IGFBP5: variants seen among roughly 807,000 people sequenced by gnomAD.
The protein encoded by IGFBP5 is insulin like growth factor binding protein 5, also known as insulin-like growth factor-binding protein 5.
A neutral mutation model predicts 28.0 loss-of-function variants in IGFBP5; 12 were observed. That is an observed-to-expected ratio of 0.43 (90% confidence interval 0.27 to 0.69). IGFBP5 has a LOEUF of 0.69. Among genes scored for constraint, IGFBP5 ranks in the 30% least tolerant of loss-of-function variants. IGFBP5 has a pLI of 0.20. For synonymous variants in IGFBP5, 152 were observed against 150.2 expected, an observed-to-expected ratio of 1.01 and a Z score of -0.09; for missense variants, 344 against 381.6, an observed-to-expected ratio of 0.90 and a Z score of 0.82.
intron 1 of IGFBP5, among the ~76,000 whole-genome samples, chr2:216,686,201 C>A (rs933196391): frequency 6.6e-6 from 1 of 152,158 alleles, no homozygotes; most frequent in African/African-American, 2.4e-5. Context: ...AAACCAACAG[C>A]AAAGCTGGCC....
Position 216,676,774 on chromosome 2 carries a change from A to C in IGFBP5, c.796T>G (p.Phe266Val), listed in dbSNP as rs1174865618. Residue 266 changes from phenylalanine to valine, a missense_variant, in exon 4 of 4, where the codon TTC becomes GTC. Physicochemically the swap from Phe to Val is conservative, Grantham distance 50 (BLOSUM62 -1). Around this residue, in one of 3 missense-constraint regions of IGFBP5, gnomAD observed 36 missense variants for 34.1 expected, o/e 1.06. Transcript: ENST00000233813. ...CATCACTCAACGTTGCTGCTGTCGA[A>C]GGTGTGGCACTGAAAGTCCCCGTCA... ...YVDGDFQCHT[F>V]DSSNVE 6.2e-7 allele frequency: 1 copy of C among 1,613,650 alleles called. No homozygotes were observed. The highest frequency in any genetic ancestry group is 1.3e-5 in the African/African-American group (1 of 74,858).
intron 1 of IGFBP5, among the ~76,000 whole-genome samples, chr2:216,682,255 C>T (rs1164800697): frequency 1.3e-5 from 2 of 152,158 alleles, no homozygotes; most frequent in Non-Finnish European, 2.9e-5. Context: ...AGATACTAAT[C>T]AGGGTCTTGT....
At position 216,694,667 on chromosome 2, in the gene IGFBP5, T is replaced by C. The variant is rs1385735274; in HGVS notation, c.109A>G (p.Met37Val). 5.2e-6 allele frequency: 8 copies of C among 1,525,374 alleles called. No homozygotes were observed. Among genetic ancestry groups the C allele is most frequent in the Middle Eastern group, 1.7e-4 (1 of 5,772 alleles). 94.5% of individuals were successfully genotyped at this position (1,525,374 alleles called of 1,614,324 possible). A position where few individuals can be genotyped will look rare whatever the true frequency, so the allele number is the denominator to read the frequency against. Reference sequence around the variant, plus strand: ...CAGCCCAGGGGGCTGGGGGGGCACATGGAGAGGGCTTTCTCGTCGCAGGGC... The same window carrying C: ...CAGCCCAGGGGGCTGGGGGGGCACACGGAGAGGGCTTTCTCGTCGCAGGGC... ...CEPCDEKALSMCPPSPLGCEL... is the reference protein window; with the variant it reads ...CEPCDEKALSVCPPSPLGCEL... Residue 37 changes from methionine to valine, a missense_variant, in exon 1 of 4, where the codon ATG becomes GTG. Met to Val is a conservative substitution (Grantham distance 21). Around this residue, in one of 3 missense-constraint regions of IGFBP5, gnomAD observed 304 missense variants for 329.2 expected, o/e 0.92. Coordinates refer to ENST00000233813, the MANE Select transcript of IGFBP5 (RefSeq NM_000599.4). This position sits in a 1 kb window ranked among gnomAD's most constrained non-coding sequence, Gnocchi z 5.2.
Position 216,675,581 on chromosome 2 carries a change from C to G in IGFBP5, c.*1170G>C, listed in dbSNP as rs1357685517. On this transcript the variant is annotated 3_prime_UTR_variant, in exon 4 of 4. Coordinates refer to ENST00000233813, the MANE Select transcript of IGFBP5 (RefSeq NM_000599.4). ...ACAAAAAAGCTGAGTTTATTGCTCA[C>G]GGGAAACTCTGCCTCGAGGCAGGCA... 1 of 152,050 alleles carries G rather than the reference C, an allele frequency of 6.6e-6. No homozygotes were observed. The highest frequency in any genetic ancestry group is 1.5e-5 in the Non-Finnish European group (1 of 68,012). The allele number at this position is 152,050 out of a possible 1,614,324, so 9.4% of individuals were successfully genotyped here. A position where few individuals can be genotyped will look rare whatever the true frequency, so the allele number is the denominator to read the frequency against.
chr2:216,694,464 C>G lies in IGFBP5; in HGVS notation c.312G>C (p.Lys104Asn), dbSNP rs1476354851. The change falls in exon 1 of 4, where the codon AAG becomes AAC. Residue 104 changes from lysine to asparagine, a missense_variant. By Grantham distance (94) the Lys-to-Asn change is moderately conservative. Coordinates refer to ENST00000233813, the MANE Select transcript of IGFBP5 (RefSeq NM_000599.4). This position sits in a 1 kb window ranked among gnomAD's most constrained non-coding sequence, Gnocchi z 5.2. ...LHGRGVCLNE[K>N]SYREQVKIER... ...CGATCTTGACTTGCTCGCGGTAGCT[C>G]TTTTCGTTGAGGCAAACCCCGCGGC... 3 of 1,581,284 alleles carry G rather than the reference C, an allele frequency of 1.9e-6. No individual in the cohort carries two copies. Among genetic ancestry groups the G allele is most frequent in the South Asian group, 2.3e-5 (2 of 86,276 alleles).
intron 1 of IGFBP5, among the ~76,000 whole-genome samples, chr2:216,691,101 C>T (rs11575134): frequency 0.17 from 26,463 of 152,100 alleles, 2,482 homozygotes; most frequent in Non-Finnish European, 0.22. Context: ...GGCCAATAAA[C>T]CTAACTCTGG....
In IGFBP5 at chr2:216,674,528, T is replaced by C. The variant is rs980858771; in HGVS notation, c.*2223A>G. 5.3e-5 allele frequency: 8 copies of C among 152,252 alleles called. No homozygotes were observed. The highest frequency in any genetic ancestry group is 1.9e-4 in the African/African-American group (8 of 41,448). The allele number at this position is 152,252 out of a possible 1,614,324, so 9.4% of individuals were successfully genotyped here. A position where few individuals can be genotyped will look rare whatever the true frequency, so the allele number is the denominator to read the frequency against. ...ATTCCTCTTCGTAGCCCCAAATTCG[T>C]TGTTGGAGGCGGTCTCCGCTGTGTC... is the stretch of plus-strand genomic sequence containing the variant. On this transcript the variant is annotated 3_prime_UTR_variant, in exon 4 of 4. Transcript: ENST00000233813. This position sits in a 1 kb window ranked among gnomAD's most constrained non-coding sequence, Gnocchi z 4.4.
Position 216,676,896 on chromosome 2 carries a change from A to G in IGFBP5, c.688-14T>C. 3 of 1,613,328 alleles carry G rather than the reference A, an allele frequency of 1.9e-6. No homozygotes were observed. The highest frequency in any genetic ancestry group is 2.5e-6 in the Non-Finnish European group (3 of 1,179,620). ...GGAAGGTTTGCACTGGGGTGAGTAG[A>G]GCAACAGGCGGTGAGGACGGCCGCA... On this transcript the variant is annotated splice_polypyrimidine_tract_variant and intron_variant, in intron 3 of 3. Transcript: ENST00000233813.
In IGFBP5 at chr2:216,673,719, C is replaced by T. The variant is rs1688862876; in HGVS notation, c.*3032G>A. Reference sequence around the variant, plus strand: ...ACCCCTGCTTAGATTGCCATACTCGCACCATTCCAAACCTGCCTCCCTCAC... The same window carrying T: ...ACCCCTGCTTAGATTGCCATACTCGTACCATTCCAAACCTGCCTCCCTCAC... On this transcript the variant is annotated 3_prime_UTR_variant, in exon 4 of 4. Coordinates refer to ENST00000233813, the MANE Select transcript of IGFBP5 (RefSeq NM_000599.4). The surrounding 1 kb of genome is among the most constrained non-coding windows in gnomAD (Gnocchi z 4.3). 6.6e-6 allele frequency: 1 copy of T among 152,348 alleles called. No individual in the cohort carries two copies. The highest frequency in any genetic ancestry group is 1.5e-5 in the Non-Finnish European group (1 of 68,138). The allele number at this position is 152,348 out of a possible 1,614,324, so 9.4% of individuals were successfully genotyped here.
chr2:216,679,006 G>T lies in IGFBP5; in HGVS notation c.411C>A (p.Phe137Leu), dbSNP rs376865122. Residue 137 changes from phenylalanine to leucine, a missense_variant, in exon 2 of 4, where the codon TTC (phenylalanine) becomes TTA (leucine). Transcript: ENST00000233813. The surrounding 1 kb of genome is among the most constrained non-coding windows in gnomAD (Gnocchi z 4.6). The stretch of plus-strand genomic sequence containing the variant: ...CGGAGATGCGGGTGTGTTTGGGCCG[G>T]AAGATCTTGGGGGAGTAGGTCTCCT... Reference protein sequence around the residue: ...MAEETYSPKIFRPKHTRISEL... With the variant: ...MAEETYSPKILRPKHTRISEL... 8 of 1,614,016 alleles carry T rather than the reference G, an allele frequency of 5.0e-6. No homozygotes were observed. The African/African-American group carries it at 1.1e-4, about 22-fold the overall frequency.
intron 1 of IGFBP5, among the ~76,000 whole-genome samples, chr2:216,685,592 A>G (rs1016556841): frequency 4.6e-5 from 7 of 152,122 alleles, no homozygotes; most frequent in Admixed American, 4.6e-4. Flanking sequence ...GCCCCTCCCT[A>G]CAACACAAGG....
rs934778221 is a variant in IGFBP5 at position 216,674,129 on chromosome 2, A to C, written c.*2622T>G. ...TGGGAGGAATGTGGGGGGAGCTTGT[A>C]GTTCCTGGCTCAGTCTTTTCTCAGG... On this transcript the variant is annotated 3_prime_UTR_variant, in exon 4 of 4. Transcript: ENST00000233813. This position sits in a 1 kb window ranked among gnomAD's most constrained non-coding sequence, Gnocchi z 4.4. The C allele has an allele frequency of 6.5e-6, 1 of 152,922 alleles. No homozygotes were observed. The highest frequency in any genetic ancestry group is 2.4e-5 in the African/African-American group (1 of 41,478). 9.5% of individuals were successfully genotyped at this position (152,922 alleles called of 1,614,324 possible). A position where few individuals can be genotyped will look rare whatever the true frequency, so the allele number is the denominator to read the frequency against.
chr2:216,692,362 CG>C lies in IGFBP5; in HGVS notation c.337+2076del, dbSNP rs1052158505. On this transcript the variant is annotated intron_variant, in intron 1 of 3. Transcript: ENST00000233813. The surrounding 1 kb of genome is among the most constrained non-coding windows in gnomAD (Gnocchi z 4.2). ...GGGATCTTGCTTGGGACTGAAGTGT[CG>C]TGTGTGTGTGTGTGTGTGTGTGTGT... 2.9e-4 allele frequency among the ~76,000 whole-genome samples: 42 copies of C among 142,436 alleles called. No homozygotes were observed. The highest frequency in any genetic ancestry group is 6.2e-5 in the Non-Finnish European group (4 of 64,942). 93.4% of individuals were successfully genotyped at this position (142,436 alleles called of 152,430 possible). A position where few individuals can be genotyped will look rare whatever the true frequency, so the allele number is the denominator to read the frequency against.
At chr2:216,688,295 T>C (rs79806945) in intron 1 of IGFBP5, among the ~76,000 whole-genome samples, 1,887 of 152,272 alleles carry the variant, frequency 0.012, 25 homozygotes, top group Non-Finnish European at 0.017. Context: ...ATTTAGTGTC[T>C]GAATTGAGAT....
intron 3 of IGFBP5, among the ~76,000 whole-genome samples, chr2:216,677,624 G>T (rs1006316800): frequency 1.3e-5 from 2 of 152,110 alleles, no homozygotes; most frequent in African/African-American, 4.8e-5. Context: ...CCACCCCGGA[G>T]TCCACCCCAG....
chr2:216,678,096 A>G lies in IGFBP5; in HGVS notation c.687+16T>C, dbSNP rs1688924040. The stretch of plus-strand genomic sequence containing the variant: ...TTGGAGCAGTCTGAGCCTGGAGCTC[A>G]GGGCAGGGGACGTACCTGCTTTCTC... On this transcript the variant is annotated intron_variant, in intron 3 of 3. Transcript: ENST00000233813. 2 of 1,451,180 alleles carry G rather than the reference A, an allele frequency of 1.4e-6. No homozygotes were observed. The highest frequency in any genetic ancestry group is 1.8e-6 in the Non-Finnish European group (2 of 1,089,366). The allele number at this position is 1,451,180 out of a possible 1,614,324, so 89.9% of individuals were successfully genotyped here. A position where few individuals can be genotyped will look rare whatever the true frequency, so the allele number is the denominator to read the frequency against.
In IGFBP5 at chr2:216,678,937, C is replaced by G. The variant is rs781730768; in HGVS notation, c.480G>C (p.Leu160=). The part of the protein sequence containing the change: ...EAVKKDRRKK[L]TQSKFVGGAE... ...CTCCCCCGACAAACTTGGACTGGGT[C>G]AGCTTCTTTCTGCGGTCCTTCTTCA... Residue 160 remains leucine (L), a synonymous_variant, in exon 2 of 4, where the codon CTG becomes CTC. Coordinates refer to ENST00000233813, the MANE Select transcript of IGFBP5 (RefSeq NM_000599.4). The G allele has an allele frequency of 4.3e-6, 7 of 1,614,106 alleles. No individual in the cohort carries two copies. In the African/African-American group the frequency reaches 5.3e-5, roughly 12 times the overall value.
intron 1 of IGFBP5, among the ~76,000 whole-genome samples, chr2:216,691,452 TC>T (rs1689094597): frequency 6.6e-6 from 1 of 152,142 alleles, no homozygotes; most frequent in Non-Finnish European, 1.5e-5. Context: ...CTCCCTCCAC[TC>T]ACCGCTATTT....
intron 1 of IGFBP5, among the ~76,000 whole-genome samples, chr2:216,686,887 C>A (rs767738843): frequency 6.6e-6 from 1 of 151,954 alleles, no homozygotes; most frequent in Non-Finnish European, 1.5e-5. Flanking sequence ...AAAGACCTTA[C>A]TTTCTTCTTC....
Sources: allele counts gnomAD v4.1 joint callset (sites outside exome capture counted in the v4.1 genomes callset), GRCh38; gene constraint gnomAD v4.1.1; regional missense constraint gnomAD v4.1.1; non-coding constraint Gnocchi (gnomAD v3.1); transcripts MANE v1.5; gene names NCBI Gene and HGNC (gene_info 2026-07-23, HGNC 2026-07-21).